Variants in ELAPOR2 observed in about 807,000 individuals in gnomAD.
The protein encoded by ELAPOR2 is endosome/lysosome-associated apoptosis and autophagy regulator family member 2.
Under a neutral mutation model 120.7 loss-of-function variants are expected in ELAPOR2, and 89 were observed. The observed-to-expected ratio is 0.74, with a 90% CI of 0.62 to 0.88. The LOEUF (loss-of-function observed/expected upper bound fraction) is 0.88. Among genes scored for constraint, ELAPOR2 ranks in the 40% least tolerant of loss-of-function variants. ELAPOR2 has a pLI of 0.00. For missense variants in ELAPOR2, 1,134 were observed against 1,251.6 expected (o/e 0.91, Z 1.42); for synonymous variants, 444 against 444.9 (o/e 1.00, Z 0.03).
chr7:86,960,915 GCATATAGCAC>G (rs1186971911), intron 2 of ELAPOR2, among the ~76,000 whole-genome samples: 5 of 151,776 alleles, frequency 3.3e-5, no homozygotes, highest in Admixed American at 1.3e-4. Context: ...TTACTTGTCT[GCATATAGCAC>G]TTTATCTAAA....
intron 1 of ELAPOR2, among the ~76,000 whole-genome samples, chr7:87,038,541 C>A (rs1295256792): frequency 6.6e-6 from 1 of 152,090 alleles, no homozygotes; most frequent in Non-Finnish European, 1.5e-5. Context: ...TGTTAGGTCA[C>A]AAAATAAGTC....
intron 1 of ELAPOR2, among the ~76,000 whole-genome samples, chr7:86,985,684 T>C (rs897243828): frequency 6.6e-6 from 1 of 152,238 alleles, no homozygotes; most frequent in East Asian, 1.9e-4. Context: ...TTTTTTTTAA[T>C]ACTTTAAGTT....
At chr7:86,893,685 G>A (rs1040370630) in intron 19 of ELAPOR2, among the ~76,000 whole-genome samples, 2 of 151,980 alleles carry the variant, frequency 1.3e-5, no homozygotes, top group Non-Finnish European at 2.9e-5. Flanking sequence ...CCAAAATAAG[G>A]AGGGCATTAT....
At chr7:86,990,142 G>A (rs575475519) in intron 1 of ELAPOR2, among the ~76,000 whole-genome samples, 1 of 152,184 alleles carries the variant, frequency 6.6e-6, no homozygotes, top group East Asian at 1.9e-4. Context: ...CGCCTCCTGG[G>A]TTCATGCCAT....
intron 1 of ELAPOR2, among the ~76,000 whole-genome samples, chr7:87,029,379 G>A (rs1275774376): frequency 6.6e-6 from 1 of 152,142 alleles, no homozygotes; most frequent in Non-Finnish European, 1.5e-5. Context: ...CTGGCTCCTG[G>A]ACCCTGTCCT....
intron 2 of ELAPOR2, among the ~76,000 whole-genome samples, chr7:86,957,997 T>C (rs933371650): frequency 6.6e-6 from 1 of 152,212 alleles, no homozygotes; most frequent in Admixed American, 6.5e-5. Flanking sequence ...AAAAAGTCCA[T>C]TTATCTCTCC....
chr7:86,889,540 G>A (rs1368902749), intron 21 of ELAPOR2, among the ~76,000 whole-genome samples: 2 of 151,854 alleles, frequency 1.3e-5, no homozygotes, highest in East Asian at 3.9e-4. Context: ...ATATGGCAAA[G>A]ATATGCTAGA....
At chr7:87,026,452 TA>T (rs538794628) in intron 1 of ELAPOR2, among the ~76,000 whole-genome samples, 1,714 of 144,326 alleles carry the variant, frequency 0.012, 32 homozygotes, top group African/African-American at 0.039. Context: ...AGTTAGGAAT[TA>T]AAAAAAAAAA....
chr7:87,022,322 A>G (rs1447688965), intron 1 of ELAPOR2, among the ~76,000 whole-genome samples: 1 of 146,776 alleles, frequency 6.8e-6, no homozygotes, highest in African/African-American at 2.5e-5. Flanking sequence ...GAGTGAGAAC[A>G]TGTGGTGTTT....
chr7:86,932,237 G>C (rs369961867), intron 8 of ELAPOR2, among the ~76,000 whole-genome samples: 1 of 151,840 alleles, frequency 6.6e-6, no homozygotes, highest in African/African-American at 2.4e-5. Flanking sequence ...AAATCAAATT[G>C]AGCCAAGAAT....
chr7:86,941,756 G>T (rs1018358206), intron 5 of ELAPOR2, among the ~76,000 whole-genome samples: 4 of 151,848 alleles, frequency 2.6e-5, no homozygotes, highest in Non-Finnish European at 5.9e-5. Context: ...ACAATGGGAA[G>T]GGGAAGGAAA....
intron 1 of ELAPOR2, among the ~76,000 whole-genome samples, chr7:87,015,239 C>A (rs2116680344): frequency 6.6e-6 from 1 of 152,168 alleles, no homozygotes; most frequent in African/African-American, 2.4e-5. Context: ...TATCAATATT[C>A]TCTATCAAAA....
intron 1 of ELAPOR2, among the ~76,000 whole-genome samples, chr7:87,047,003 G>A (rs114177633): frequency 6.6e-6 from 1 of 152,210 alleles, no homozygotes; most frequent in African/African-American, 2.4e-5. Context: ...AGACCAATGG[G>A]AACAGAATAG....
chr7:86,970,615 G>C (rs1212538149), intron 1 of ELAPOR2, among the ~76,000 whole-genome samples: 1 of 152,174 alleles, frequency 6.6e-6, no homozygotes, highest in African/African-American at 2.4e-5. Context: ...TATGTGGAAA[G>C]GCCAAAAGCA....
At chr7:87,020,966 T>A (rs1406004769) in intron 1 of ELAPOR2, among the ~76,000 whole-genome samples, 1 of 152,112 alleles carries the variant, frequency 6.6e-6, no homozygotes, top group Non-Finnish European at 1.5e-5. Flanking sequence ...AACATTAATA[T>A]AGTAGCATGA....
At chr7:86,884,891 A>C in intron 21 of ELAPOR2, among the ~76,000 whole-genome samples, 1 of 152,192 alleles carries the variant, frequency 6.6e-6, no homozygotes, top group Non-Finnish European at 1.5e-5. Context: ...AGATATATTC[A>C]TAGATGACAG....
intron 9 of ELAPOR2, among the ~76,000 whole-genome samples, chr7:86,926,257 G>A (rs1483894408): frequency 6.6e-6 from 1 of 151,980 alleles, no homozygotes; most frequent in Non-Finnish European, 1.5e-5. Flanking sequence ...TAGAAATGTA[G>A]CCACTTCGCA....
At chr7:86,912,795 G>A in intron 14 of ELAPOR2, 146 bp downstream of exon 14, 8 of 908,382 alleles carry the variant, frequency 8.8e-6, no homozygotes, top group East Asian at 2.6e-5. Context: ...AACGCAAGAA[G>A]GGAGAAAACA....
intron 17 of ELAPOR2, among the ~76,000 whole-genome samples, chr7:86,908,150 TACACACACAC>T (rs144805388): frequency 0.016 from 2,343 of 144,346 alleles, 66 homozygotes; most frequent in African/African-American, 0.055. Context: ...TGTAAGTGAA[TACACACACAC>T]ACACACACAC....
Sources: gnomAD v4.1 joint callset for allele counts (sites outside exome capture counted in the v4.1 genomes callset) on GRCh38, gnomAD v4.1.1 for gene constraint, MANE v1.5 for transcripts, NCBI Gene and HGNC (gene_info 2026-07-23, HGNC 2026-07-21) for gene names.